Variants in AATF observed in about 807,000 individuals in gnomAD.
AATF encodes protein AATF.
Under a neutral mutation model 63.7 loss-of-function variants are expected in AATF, and 48 were observed. The observed-to-expected ratio is 0.75, with a 90% CI of 0.60 to 0.96. The LOEUF (loss-of-function observed/expected upper bound fraction) is 0.96. Among genes scored for constraint, AATF ranks in the 40% least tolerant of loss-of-function variants. The pLI, the probability that AATF is intolerant of heterozygous loss-of-function variation, is 0.00. For missense variants in AATF, 639 were observed against 685.7 expected (o/e 0.93, Z 0.76); for synonymous variants, 258 against 247.7 (o/e 1.04, Z -0.39).
chr17:37,046,769 A>G (rs1360636033), intron 11 of AATF, among the ~76,000 whole-genome samples: 1 of 149,170 alleles, frequency 6.7e-6, no homozygotes, highest in Non-Finnish European at 1.5e-5. Context: ...ACACACACAC[A>G]CGCATGCACA....
At chr17:36,967,321 A>T (rs1255207027) in intron 4 of AATF, among the ~76,000 whole-genome samples, 3 of 152,224 alleles carry the variant, frequency 2.0e-5, no homozygotes, top group Non-Finnish European at 4.4e-5. Flanking sequence ...GCCATGTAAT[A>T]AATACACTAT....
intron 10 of AATF, among the ~76,000 whole-genome samples, chr17:37,023,059 A>G (rs2071484959): frequency 6.6e-6 from 1 of 152,158 alleles, no homozygotes; most frequent in South Asian, 2.1e-4. Context: ...TTAAAATTGT[A>G]ATTTTATGAG....
chr17:37,053,376 CAATT>C (rs146234472), intron 11 of AATF, among the ~76,000 whole-genome samples: 2,493 of 152,022 alleles, frequency 0.016, 78 homozygotes, highest in African/African-American at 0.056. Context: ...TAATGTCAAA[CAATT>C]AAAATATTTT....
intron 8 of AATF, among the ~76,000 whole-genome samples, chr17:36,998,320 T>C (rs1449918352): frequency 2.6e-5 from 4 of 152,222 alleles, no homozygotes; most frequent in Admixed American, 2.6e-4. Flanking sequence ...AACTCTCTTT[T>C]CACAAGTGCA....
intron 11 of AATF, chr17:37,056,106 G>A (rs1373734410): frequency 6.5e-6 from 1 of 153,360 alleles, no homozygotes; most frequent in African/African-American, 2.4e-5. Flanking sequence ...GGGCAGCTGG[G>A]GAGTGTGGAA....
intron 11 of AATF, among the ~76,000 whole-genome samples, chr17:37,047,768 G>T (rs1021451414): frequency 5.9e-5 from 9 of 152,184 alleles, no homozygotes; most frequent in African/African-American, 1.2e-4. Context: ...GCAGACACAC[G>T]GGGTAATTTA....
intron 8 of AATF, among the ~76,000 whole-genome samples, chr17:37,011,593 G>C (rs1041769430): frequency 5.9e-5 from 9 of 152,174 alleles, no homozygotes; most frequent in Non-Finnish European, 1.3e-4. Context: ...GGAGTGAGAA[G>C]AAAATAAAGA....
chr17:37,048,371 T>TC (rs1567997956), intron 11 of AATF, among the ~76,000 whole-genome samples: 1 of 140,896 alleles, frequency 7.1e-6, no homozygotes, highest in East Asian at 2.0e-4. Context: ...TTCTTTTTTT[T>TC]TTTTTTTTTT....
At chr17:36,995,557 C>T (rs988248704) in intron 8 of AATF, among the ~76,000 whole-genome samples, 2 of 151,832 alleles carry the variant, frequency 1.3e-5, no homozygotes, top group African/African-American at 4.8e-5. Context: ...TTTTATTTAT[C>T]GATTTATTTT....
chr17:37,007,988 T>TA (rs376181463), intron 8 of AATF, among the ~76,000 whole-genome samples: 51 of 152,360 alleles, frequency 3.3e-4, no homozygotes, highest in African/African-American at 1.1e-3. Flanking sequence ...ATGTATGACT[T>TA]ACCATTTTTG....
At chr17:37,008,065 C>G (rs2071355725) in intron 8 of AATF, among the ~76,000 whole-genome samples, 1 of 151,906 alleles carries the variant, frequency 6.6e-6, no homozygotes. Context: ...TATTTGTTAC[C>G]TATGTTTGAA....
intron 4 of AATF, chr17:36,980,572 C>T (rs930982120): frequency 2.0e-5 from 3 of 152,100 alleles, no homozygotes; most frequent in African/African-American, 7.2e-5. Context: ...ATTTATTATT[C>T]ACAGGGTTGA....
At chr17:36,989,482 A>C in intron 7 of AATF, 71 bp downstream of exon 7, 1 of 1,440,758 alleles carries the variant, frequency 6.9e-7, no homozygotes, top group South Asian at 1.6e-5. Context: ...AAAAACTTGT[A>C]GCTATTACCT....
intron 4 of AATF, 63 bp from the exon 5 acceptor site, chr17:36,986,554 G>A (rs1434571441): frequency 2.2e-6 from 3 of 1,363,070 alleles, no homozygotes; most frequent in Non-Finnish European, 3.1e-6. Context: ...TGAGTTATAG[G>A]CATCACCTAC....
At chr17:36,992,041 C>T (rs561511376) in intron 8 of AATF, among the ~76,000 whole-genome samples, 59 of 152,264 alleles carry the variant, frequency 3.9e-4, no homozygotes, top group African/African-American at 1.3e-3. Context: ...AATGTGCTAG[C>T]TTTAGCCAAG....
In AATF at chr17:37,031,426, A is replaced by G. The variant is rs1212473706; in HGVS notation, c.1548-188A>G. The G allele has an allele frequency of 6.6e-6, 4 of 610,626 alleles. No individual in the cohort carries two copies. In the Admixed American group the frequency reaches 1.1e-4, roughly 16 times the overall value. 37.8% of individuals were successfully genotyped at this position (610,626 alleles called of 1,614,324 possible). On this transcript the variant is annotated intron_variant, in intron 10 of 11. Transcript: ENST00000619387. ...GAGTCCTGGAACCATTCCTCCACAG[A>G]TACCATGGGATGACTGTAGTTGGTC...
At chr17:36,988,823 G>A (rs76253283) in intron 6 of AATF, 103 bp downstream of exon 6, 18,781 of 1,106,616 alleles carry the variant, frequency 0.017, 198 homozygotes, top group Middle Eastern at 0.033. Flanking sequence ...ATGTTGTCAC[G>A]ATGTAATGGT....
intron 10 of AATF, among the ~76,000 whole-genome samples, chr17:37,030,980 G>C (rs144072238): frequency 3.9e-4 from 60 of 152,336 alleles, no homozygotes; most frequent in African/African-American, 1.4e-3. Flanking sequence ...TTGCTCAAAA[G>C]CACAAGTGTA....
At chr17:37,012,661 T>A (rs967903354) in intron 8 of AATF, among the ~76,000 whole-genome samples, 5 of 152,184 alleles carry the variant, frequency 3.3e-5, no homozygotes, top group African/African-American at 1.2e-4. Context: ...GGGTCACAAA[T>A]TCAGAAAGCC....
Sources: gnomAD v4.1 joint callset for allele counts (sites outside exome capture counted in the v4.1 genomes callset) on GRCh38, gnomAD v4.1.1 for gene constraint, MANE v1.5 for transcripts, NCBI Gene and HGNC (gene_info 2026-07-23, HGNC 2026-07-21) for gene names.